Variants in CETP observed in about 807,000 individuals in gnomAD.
The protein encoded by CETP is BPI fold containing family F.
Under a neutral mutation model 66.5 loss-of-function variants are expected in CETP, and 56 were observed. The ratio of observed to expected loss-of-function variants is 0.84; its 90% confidence interval spans 0.68 to 1.05. CETP has a LOEUF of 1.05. Among genes scored for constraint, CETP ranks in the 50% least tolerant of loss-of-function variants. The pLI is 0.00. For synonymous variants in CETP, 251 were observed against 245.7 expected (o/e 1.02, Z -0.20); for missense variants, 612 against 609.6 (o/e 1.00, Z -0.04).
At position 56,973,495 on chromosome 16, in the gene CETP, G is replaced by A. The variant is rs2056128367; in HGVS notation, c.915G>A (p.Met305Ile). ...ATGGCCGCCTCATGCTCAGCCTGAT[G>A]GGAGACGAGTTCAAGGTGAGTGGGT... ...FQDGRLMLSL[M>I]GDEFKAVLET... The change falls in exon 9 of 16, where the codon ATG becomes ATA. Residue 305 changes from methionine to isoleucine, a missense_variant. Physicochemically the swap from Met to Ile is conservative, Grantham distance 10. Coordinates refer to ENST00000200676, the MANE Select transcript of CETP (RefSeq NM_000078.3). The A allele has an allele frequency of 6.2e-7, 1 of 1,614,052 alleles. No individual in the cohort carries two copies. The highest frequency in any genetic ancestry group is 1.7e-5 in the Admixed American group (1 of 60,004).
chr16:56,962,902 TG>T, intron 1 of CETP, 107 bp from the exon 2 acceptor site: 1 of 927,514 alleles, frequency 1.1e-6, no homozygotes. Context: ...TAAGACCTGC[TG>T]GGAGCCTCAT....
chr16:56,963,790 T>C (rs1477374460), intron 2 of CETP, among the ~76,000 whole-genome samples: 3 of 151,108 alleles, frequency 2.0e-5, no homozygotes, highest in African/African-American at 7.3e-5. Flanking sequence ...TGCCTCAGCC[T>C]CCAGAGTAGC....
At chr16:56,973,660 G>A (rs1397510087) in intron 9 of CETP, 150 bp downstream of exon 9, 5 of 845,970 alleles carry the variant, frequency 5.9e-6, no homozygotes, top group Non-Finnish European at 9.3e-6. Flanking sequence ...TCCAGACTGG[G>A]CACAGTGGCT....
At position 56,975,089 on chromosome 16, in the gene CETP, A is replaced by G. The variant is rs1370866497; in HGVS notation, c.931-12A>G. 1.9e-6 allele frequency: 3 copies of G among 1,613,880 alleles called. No individual in the cohort carries two copies. Among genetic ancestry groups the G allele is most frequent in the Non-Finnish European group, 2.5e-6 (3 of 1,179,904 alleles). On this transcript the variant is annotated splice_polypyrimidine_tract_variant and intron_variant, in intron 9 of 15. Transcript: ENST00000200676. Reference sequence around the variant, plus strand: ...ACTCCACCCACCCTCCAACTTCCTCATTTCTTTTCAGGCAGTGCTGGAGAC... The same window carrying G: ...ACTCCACCCACCCTCCAACTTCCTCGTTTCTTTTCAGGCAGTGCTGGAGAC...
Position 56,965,465 on chromosome 16 carries a change from T to C in CETP, c.233+2341T>C, listed in dbSNP as rs1021151178. 3.9e-5 allele frequency among the ~76,000 whole-genome samples: 6 copies of C among 152,324 alleles called. No individual in the cohort carries two copies. In the East Asian group the frequency reaches 5.8e-4, roughly 15 times the overall value. On this transcript the variant is annotated intron_variant, in intron 2 of 15. Coordinates refer to ENST00000200676, the MANE Select transcript of CETP (RefSeq NM_000078.3). ...TCTCCTTGCTGGGCACAGTGTGTCA[T>C]AGTGGCTTATAATATGGGATTTGGA...
intron 11 of CETP, among the ~76,000 whole-genome samples, chr16:56,980,698 T>C (rs12708985): frequency 0.86 from 130,955 of 152,052 alleles, 56,511 homozygotes; most frequent in Non-Finnish European, 0.88. Context: ...CTGAGGTGGG[T>C]GGATCACATG....
Position 56,983,416 on chromosome 16 carries a change from G to A in CETP, c.1407+5G>A, listed in dbSNP as rs775438010. ...CCTGAGATTATCACTCGAGATGTGA[G>A]TACAAAGCCCCCCTCACCAGCCCCT... On this transcript the variant is annotated splice_donor_5th_base_variant and intron_variant, in intron 15 of 15. Transcript: ENST00000200676. 9 of 1,613,938 alleles carry A rather than the reference G, an allele frequency of 5.6e-6. No individual in the cohort carries two copies. In the East Asian group the frequency reaches 1.6e-4, roughly 28 times the overall value.
intron 11 of CETP, among the ~76,000 whole-genome samples, chr16:56,978,499 G>A (rs1238699778): frequency 6.6e-6 from 1 of 151,690 alleles, no homozygotes; most frequent in East Asian, 1.9e-4. Context: ...ATTTTTTTTA[G>A]AGACAGGGTC....
chr16:56,982,202 T>A lies in CETP; in HGVS notation c.1286T>A (p.Met429Lys), dbSNP rs775013327. The A allele has an allele frequency of 6.2e-7, 1 of 1,614,136 alleles. No homozygotes were observed. The highest frequency in any genetic ancestry group is 1.3e-5 in the African/African-American group (1 of 75,030). Residue 429 changes from methionine (M) to lysine (K), a missense_variant, in exon 14 of 16, where the codon ATG becomes AAG. Physicochemically the swap from Met to Lys is moderately conservative, Grantham distance 95. Coordinates refer to ENST00000200676, the MANE Select transcript of CETP (RefSeq NM_000078.3). ...SESVQSFLQS[M>K]ITAVGIPEVM... ...TCCGTCCAGAGCTTCCTGCAGTCAA[T>A]GATCACCGCTGTGGGCATCCCTGAG...
intron 1 of CETP, chr16:56,962,403 T>G (rs2141990103): frequency 3.2e-6 from 2 of 618,348 alleles, no homozygotes; most frequent in Non-Finnish European, 6.2e-6. Flanking sequence ...TGAGCCAGGT[T>G]AGGGGGTTGA....
chr16:56,970,507 C>T (rs1409757001), intron 5 of CETP, among the ~76,000 whole-genome samples: 1 of 152,240 alleles, frequency 6.6e-6, no homozygotes, highest in African/African-American at 2.4e-5. Flanking sequence ...CCAGCATTCT[C>T]TGACCCCAGA....
chr16:56,971,287 C>T, intron 6 of CETP, 34 bp from the exon 7 acceptor site: 2 of 1,612,340 alleles, frequency 1.2e-6, no homozygotes. Context: ...GGCCTCCTTT[C>T]CTGCCTGGAA....
At chr16:56,963,191 C>A in intron 2 of CETP, 67 bp downstream of exon 2, 1 of 1,313,766 alleles carries the variant, frequency 7.6e-7, no homozygotes, top group Non-Finnish European at 1.1e-6. Context: ...TGGGGCTTGC[C>A]CCCAGCCCAC....
chr16:56,983,277 G>A (rs768580613), intron 14 of CETP, 49 bp from the exon 15 acceptor site: 32 of 1,547,410 alleles, frequency 2.1e-5, no homozygotes, highest in Middle Eastern at 1.7e-4. Flanking sequence ...GCCTCGGGCC[G>A]GCCTTGCTCC....
rs1349451301 is a variant in CETP, at chr16:56,983,636, G to A, written c.1452G>A (p.Leu484=). Residue 484 remains leucine, a synonymous_variant, in exon 16 of 16, where the codon CTG becomes CTA. Transcript: ENST00000200676. Reference sequence around the variant, plus strand: ...TGGACTTTGGCTTCCCTGAGCACCTGCTGGTGGATTTCCTCCAGAGCTTGA... The same window carrying A: ...TGGACTTTGGCTTCCCTGAGCACCTACTGGTGGATTTCCTCCAGAGCTTGA... ...LQMDFGFPEH[L]LVDFLQSLS is the part of the protein sequence containing the mutation. The A allele has an allele frequency of 1.2e-6, 2 of 1,614,060 alleles. No homozygotes were observed. Among genetic ancestry groups the A allele is most frequent in the African/African-American group, 1.3e-5 (1 of 74,922 alleles).
chr16:56,982,267 G>A, intron 14 of CETP, 30 bp downstream of exon 14: 1 of 1,606,356 alleles, frequency 6.2e-7, no homozygotes, highest in Non-Finnish European at 8.5e-7. Context: ...GAAACTGGGT[G>A]CCGAGGCTGA....
chr16:56,967,342 T>TCACA (rs12720908), intron 2 of CETP, among the ~76,000 whole-genome samples: 34,024 of 146,414 alleles, frequency 0.23, 4,284 homozygotes, highest in African/African-American at 0.34. Context: ...CAAAATTCTG[T>TCACA]CACACAAACA....
intron 11 of CETP, 76 bp downstream of exon 11, chr16:56,978,331 G>T (rs1243595693): frequency 5.7e-6 from 9 of 1,573,140 alleles, no homozygotes; most frequent in Middle Eastern, 3.5e-4. Flanking sequence ...GGGGCCTGGG[G>T]GTCTCTGAAG....
At position 56,971,314 on chromosome 16, in the gene CETP, G is replaced by T. The variant is rs1429342354; in HGVS notation, c.598-7G>T. 6.2e-7 allele frequency: 1 copy of T among 1,613,744 alleles called. No individual in the cohort carries two copies. Among genetic ancestry groups the T allele is most frequent in the African/African-American group, 1.3e-5 (1 of 74,928 alleles). ...TGCCTGGAAAGCACCTGCTCTGTCT[G>T]CCCCAGATCTGCAAAGAGATCAACG... On this transcript the variant is annotated splice_polypyrimidine_tract_variant and splice_region_variant and intron_variant, in intron 6 of 15. Coordinates refer to ENST00000200676, the MANE Select transcript of CETP (RefSeq NM_000078.3).
Sources: gnomAD v4.1 joint callset for allele counts (sites outside exome capture counted in the v4.1 genomes callset) on GRCh38, gnomAD v4.1.1 for gene constraint, MANE v1.5 for transcripts, NCBI Gene and HGNC (gene_info 2026-07-23, HGNC 2026-07-21) for gene names.